Variants in HIRA observed in about 807,000 individuals in gnomAD.
The protein encoded by HIRA is protein HIRA.
In HIRA, 13 loss-of-function variants were observed where a neutral mutation model predicts 126.6. That is an observed-to-expected ratio of 0.10 (90% CI 0.07 to 0.16). The LOEUF (loss-of-function observed/expected upper bound fraction) is 0.16. HIRA is among the 10% of genes least tolerant of loss of function. HIRA has a pLI of 1.00. For synonymous variants in HIRA, 511 were observed against 520.0 expected (o/e 0.98, Z 0.24); for missense variants, 834 against 1,314.4 (o/e 0.63, Z 5.65).
At chr22:19,385,869 G>A (rs1209304042) in intron 11 of HIRA, 133 bp from the exon 12 acceptor site, 15 of 748,956 alleles carry the variant, frequency 2.0e-5, no homozygotes, top group African/African-American at 3.5e-5. Flanking sequence ...ACTCCCCATC[G>A]CCTCCCATCC....
Position 19,388,640 on chromosome 22 carries a change from C to T in HIRA, c.937-86G>A, listed in dbSNP as rs536883447. ...TCAGTTAACATAACCAACCTAGAAG[C>T]CTGGGTCAAAGTGGCTGCTGATATT... On this transcript the variant is annotated intron_variant, in intron 9 of 24. Transcript: ENST00000263208. 11 of 1,032,710 alleles carry T rather than the reference C, an allele frequency of 1.1e-5. No homozygotes were observed. In the African/African-American group the frequency reaches 1.6e-4, roughly 15 times the overall value. 64.0% of individuals were successfully genotyped at this position (1,032,710 alleles called of 1,614,324 possible).
intron 18 of HIRA, 57 bp from the exon 19 acceptor site, chr22:19,357,108 G>C (rs782160836): frequency 3.1e-6 from 5 of 1,591,940 alleles, no homozygotes; most frequent in Non-Finnish European, 4.3e-6. Flanking sequence ...AGCCAAGACA[G>C]TAGCCCTGGA....
intron 13 of HIRA, among the ~76,000 whole-genome samples, chr22:19,378,892 T>C (rs1255975771): frequency 6.6e-6 from 1 of 152,226 alleles, no homozygotes; most frequent in Non-Finnish European, 1.5e-5. Flanking sequence ...GAGGTTTAAA[T>C]TACAAGCCAT....
At chr22:19,396,464 TGAG>T (rs1482571601) in intron 7 of HIRA, among the ~76,000 whole-genome samples, 3 of 152,172 alleles carry the variant, frequency 2.0e-5, no homozygotes, top group African/African-American at 7.2e-5. Flanking sequence ...TGCAGTGAGC[TGAG>T]ATCGTGCCAC....
rs147673794 is a variant in HIRA at position 19,346,064 on chromosome 22, G to A, written c.2937+5294C>T. ...TAGTTCAAAAAAGGGAAACACAAGCGGCTCTTAAGCATGTGAAATGATGCT... is the reference window on the plus strand; with the variant it reads ...TAGTTCAAAAAAGGGAAACACAAGCAGCTCTTAAGCATGTGAAATGATGCT... On this transcript the variant is annotated intron_variant, in intron 24 of 24. Transcript: ENST00000263208. 4.8e-3 allele frequency among the ~76,000 whole-genome samples: 729 copies of A among 152,306 alleles called. 3 individuals are homozygous for A. Among genetic ancestry groups the A allele is most frequent in the Non-Finnish European group, 9.0e-3 (615 of 68,030 alleles).
intron 24 of HIRA, among the ~76,000 whole-genome samples, chr22:19,341,872 CT>C (rs372988670): frequency 2.0e-5 from 3 of 152,330 alleles, no homozygotes; most frequent in Non-Finnish European, 4.4e-5. Context: ...CGGAAAAACT[CT>C]TCTAGACATT....
intron 14 of HIRA, among the ~76,000 whole-genome samples, chr22:19,377,319 C>T (rs1378757604): frequency 1.3e-5 from 2 of 152,230 alleles, no homozygotes; most frequent in Non-Finnish European, 2.9e-5. Flanking sequence ...TAACCCAGAG[C>T]AGGTGCTGAG....
intron 1 of HIRA, among the ~76,000 whole-genome samples, chr22:19,421,898 C>A (rs2089449415): frequency 6.6e-6 from 1 of 152,116 alleles, no homozygotes; most frequent in South Asian, 2.1e-4. Context: ...TCTTGAACTC[C>A]TAACCTCAAG....
rs201060565 is a variant in HIRA at position 19,387,694 on chromosome 22, A to G, written c.1113+17T>C. On this transcript the variant is annotated intron_variant, in intron 11 of 24. Coordinates refer to ENST00000263208, the MANE Select transcript of HIRA (RefSeq NM_003325.4). ...ATGGCCACAGAGCACCCAGCAGCAC[A>G]AGAGCCGTCAGCCTACCTTCTCCTC... 5.0e-6 allele frequency: 8 copies of G among 1,605,818 alleles called. No individual in the cohort carries two copies. Among genetic ancestry groups the G allele is most frequent in the Middle Eastern group, 1.7e-4 (1 of 6,052 alleles).
intron 1 of HIRA, among the ~76,000 whole-genome samples, chr22:19,416,201 C>G (rs1387849078): frequency 6.6e-6 from 1 of 152,212 alleles, no homozygotes; most frequent in Non-Finnish European, 1.5e-5. Context: ...GGATCCCTAT[C>G]TCATACCATA....
At position 19,385,829 on chromosome 22, in the gene HIRA, G is replaced by C. The variant is rs568206631; in HGVS notation, c.1114-93C>G. On this transcript the variant is annotated intron_variant, in intron 11 of 24. Transcript: ENST00000263208. Reference sequence around the variant, plus strand: ...AGGCAAACTACAGCAGGGCTCTCCTGGCTCTGAGTGGAGAAGGGACCCAAG... The same window carrying C: ...AGGCAAACTACAGCAGGGCTCTCCTCGCTCTGAGTGGAGAAGGGACCCAAG... 340 of 1,231,492 alleles carry C rather than the reference G, an allele frequency of 2.8e-4. 2 individuals carry two copies. In the African/African-American group the frequency reaches 4.7e-3, roughly 17 times the overall value. The allele number at this position is 1,231,492 out of a possible 1,614,324, so 76.3% of individuals were successfully genotyped here. A position where few individuals can be genotyped will look rare whatever the true frequency, so the allele number is the denominator to read the frequency against.
chr22:19,422,441 C>T (rs574057984), intron 1 of HIRA, among the ~76,000 whole-genome samples: 4 of 151,982 alleles, frequency 2.6e-5, no homozygotes, highest in South Asian at 2.1e-4. Flanking sequence ...CTAGTCTCCA[C>T]GTAGCAGTCA....
chr22:19,354,852 C>T (rs982362837), intron 21 of HIRA, among the ~76,000 whole-genome samples: 9 of 152,070 alleles, frequency 5.9e-5, no homozygotes, highest in African/African-American at 1.7e-4. Context: ...ACTGCAGCCT[C>T]GACCTCCTGG....
intron 24 of HIRA, among the ~76,000 whole-genome samples, chr22:19,332,035 G>A (rs2088494628): frequency 1.3e-5 from 2 of 152,224 alleles, no homozygotes; most frequent in Non-Finnish European, 2.9e-5. Context: ...AGTATCCCCT[G>A]ATGTGGAGGA....
Position 19,353,489 on chromosome 22 carries a change from G to C in HIRA, c.2715C>G (p.Ser905=). The change falls in exon 23 of 25, where the codon TCC becomes TCG. Residue 905 remains serine, a synonymous_variant. Transcript: ENST00000263208. The stretch of plus-strand genomic sequence containing the variant: ...TCTCTTGCTGCACCACATGAGGCAC[G>C]GAGAAGAGCCGGGCAGCCTGCCTTC... ...NSGRQAARLF[S]VPHVVQQETT... is the part of the protein sequence containing the mutation. 6.2e-7 allele frequency: 1 copy of C among 1,611,788 alleles called. No homozygotes were observed. Among genetic ancestry groups the C allele is most frequent in the Non-Finnish European group, 8.5e-7 (1 of 1,179,468 alleles).
intron 12 of HIRA, 117 bp downstream of exon 12, chr22:19,385,404 C>G (rs1208197627): frequency 3.1e-6 from 3 of 975,462 alleles, no homozygotes; most frequent in African/African-American, 1.6e-5. Context: ...GGCTGGCTAA[C>G]CCACAGATCC....
chr22:19,392,022 C>A, intron 9 of HIRA, 79 bp downstream of exon 9: 1 of 755,796 alleles, frequency 1.3e-6, no homozygotes, highest in Admixed American at 2.3e-5. Flanking sequence ...TCACCCAAAG[C>A]AGGTCTCTTT....
At chr22:19,335,842 T>C (rs1389291965) in intron 24 of HIRA, among the ~76,000 whole-genome samples, 1 of 152,192 alleles carries the variant, frequency 6.6e-6, no homozygotes, top group East Asian at 1.9e-4. Flanking sequence ...TATAAATTGT[T>C]GAATTAGCTT....
intron 5 of HIRA, among the ~76,000 whole-genome samples, chr22:19,401,108 G>T (rs1255229074): frequency 6.6e-6 from 1 of 152,002 alleles, no homozygotes; most frequent in East Asian, 1.9e-4. Context: ...TCCTCTCCTA[G>T]TGTTTTTTGA....
Sources: gnomAD v4.1 joint callset for allele counts (sites outside exome capture counted in the v4.1 genomes callset) on GRCh38, gnomAD v4.1.1 for gene constraint, MANE v1.5 for transcripts, NCBI Gene and HGNC (gene_info 2026-07-23, HGNC 2026-07-21) for gene names.